The following ZCCHC24 variants were observed in gnomAD, a reference collection of about 807,000 sequenced individuals.
ZCCHC24 encodes zinc finger CCHC domain-containing protein 24.
Under a neutral mutation model 26.2 loss-of-function variants are expected in ZCCHC24, and 10 were observed. The ratio of observed to expected loss-of-function variants is 0.38; its 90% confidence interval spans 0.24 to 0.65. The LOEUF (loss-of-function observed/expected upper bound fraction) is 0.65, where lower values mean the gene tolerates loss of function less well. ZCCHC24 is among the 30% of genes least tolerant of loss of function. The pLI is 0.54. For synonymous variants in ZCCHC24, 144 were observed against 147.1 expected (o/e 0.98, Z 0.15); for missense variants, 243 against 329.1 (o/e 0.74, Z 2.03).
intron 2 of ZCCHC24, among the ~76,000 whole-genome samples, chr10:79,407,729 C>A (rs1175028308): frequency 2.6e-5 from 4 of 152,206 alleles, no homozygotes; most frequent in Non-Finnish European, 4.4e-5. Context: ...GTGACTTGCT[C>A]AAGCCATACA....
At chr10:79,429,662 A>G (rs1337705238) in intron 2 of ZCCHC24, among the ~76,000 whole-genome samples, 1 of 152,222 alleles carries the variant, frequency 6.6e-6, no homozygotes, top group Admixed American at 6.5e-5. Flanking sequence ...GATTGAGGTG[A>G]CAGCTGCACA....
At chr10:79,433,285 AC>A (rs1055157679) in intron 1 of ZCCHC24, among the ~76,000 whole-genome samples, 2 of 152,190 alleles carry the variant, frequency 1.3e-5, no homozygotes, top group Non-Finnish European at 2.9e-5. Flanking sequence ...TTCACACTAG[AC>A]AAGACTGAAG....
At chr10:79,413,743 G>A (rs917378416) in intron 2 of ZCCHC24, among the ~76,000 whole-genome samples, 3 of 149,148 alleles carry the variant, frequency 2.0e-5, no homozygotes, top group Non-Finnish European at 4.4e-5. Flanking sequence ...GTGGAAAAAG[G>A]GTATATGTGC....
At chr10:79,432,316 TC>T (rs1320343245) in intron 2 of ZCCHC24, among the ~76,000 whole-genome samples, 9 of 151,908 alleles carry the variant, frequency 5.9e-5, no homozygotes. Flanking sequence ...GGTCCAAAAA[TC>T]CCCCACCCAG....
At chr10:79,441,250 G>A (rs190874049) in intron 1 of ZCCHC24, among the ~76,000 whole-genome samples, 7 of 152,218 alleles carry the variant, frequency 4.6e-5, no homozygotes, top group African/African-American at 1.4e-4. Flanking sequence ...GCTTATCTCC[G>A]TCTGTTGAGG....
chr10:79,402,827 C>T (rs1384840910), intron 2 of ZCCHC24, among the ~76,000 whole-genome samples: 2 of 152,226 alleles, frequency 1.3e-5, no homozygotes, highest in African/African-American at 2.4e-5. Context: ...TGTGCGGCCT[C>T]TCCGTGAGAC....
chr10:79,435,218 T>A (rs2395573), intron 1 of ZCCHC24, among the ~76,000 whole-genome samples: 1 of 152,140 alleles, frequency 6.6e-6, no homozygotes, highest in Non-Finnish European at 1.5e-5. Context: ...CTTTTTTTTT[T>A]ATTTTTATTT....
chr10:79,431,343 T>A (rs966122174), intron 2 of ZCCHC24, among the ~76,000 whole-genome samples: 1 of 152,218 alleles, frequency 6.6e-6, no homozygotes, highest in African/African-American at 2.4e-5. Flanking sequence ...AATAGCCTCC[T>A]GCTTACTGTG....
Position 79,386,224 on chromosome 10 carries a change from C to A in ZCCHC24, c.*121G>T. The A allele has an allele frequency of 1.2e-6, 1 of 860,716 alleles. No individual in the cohort carries two copies. Among genetic ancestry groups the A allele is most frequent in the Non-Finnish European group, 1.9e-6 (1 of 530,430 alleles). The allele number at this position is 860,716 out of a possible 1,614,324, so 53.3% of individuals were successfully genotyped here. ...AGGACGCTAAGAGCCCCCGGCCCAGCCCCGCAGGCCTGCGAGGGCACCCCA... is the reference window on the plus strand; with the variant it reads ...AGGACGCTAAGAGCCCCCGGCCCAGACCCGCAGGCCTGCGAGGGCACCCCA... On this transcript the variant is annotated 3_prime_UTR_variant, in exon 4 of 4. Coordinates refer to ENST00000372336, the MANE Select transcript of ZCCHC24 (RefSeq NM_153367.4).
intron 1 of ZCCHC24, among the ~76,000 whole-genome samples, chr10:79,435,476 G>A (rs370610303): frequency 9.2e-5 from 14 of 152,146 alleles, no homozygotes; most frequent in East Asian, 5.8e-4. Flanking sequence ...CTGGAGGGCC[G>A]CAGCCTTGCC....
rs182791010 is a variant in ZCCHC24 at position 79,390,794 on chromosome 10, C to T, written c.612+3482G>A. ...GGTAGGGGGAGCTGCAGCTGGAGGC[C>T]GACAGGAAGCAGATGTGGCGGCCAG... On this transcript the variant is annotated intron_variant, in intron 3 of 3. Coordinates refer to ENST00000372336, the MANE Select transcript of ZCCHC24 (RefSeq NM_153367.4). Among the ~76,000 whole-genome samples, 360 of 152,204 alleles carry T rather than the reference C, an allele frequency of 2.4e-3. 3 individuals are homozygous for T. Among genetic ancestry groups the T allele is most frequent in the African/African-American group, 8.1e-3 (335 of 41,518 alleles).
At chr10:79,403,534 ACAGGTGGGCTGGGCCGCGGCCTG>A (rs1856667247) in intron 2 of ZCCHC24, 1 of 985,296 alleles carries the variant, frequency 1.0e-6, no homozygotes, top group Non-Finnish European at 1.2e-6. Context: ...GGTCAGAGGG[ACAGGTGGGCTGGGCCGCGGCCTG>A]CAGGATGCTG....
chr10:79,396,562 G>C (rs1488324577), intron 2 of ZCCHC24, among the ~76,000 whole-genome samples: 1 of 152,200 alleles, frequency 6.6e-6, no homozygotes, highest in Non-Finnish European at 1.5e-5. Flanking sequence ...CTTAAATGCA[G>C]GCTCTCCACA....
At chr10:79,404,031 G>C (rs1856675154) in intron 2 of ZCCHC24, among the ~76,000 whole-genome samples, 1 of 152,088 alleles carries the variant, frequency 6.6e-6, no homozygotes. Flanking sequence ...CGTCAGAGCA[G>C]ATAAGAGGAG....
chr10:79,445,250 C>A lies in ZCCHC24; in HGVS notation c.191G>T (p.Gly64Val). 1.4e-6 allele frequency: 2 copies of A among 1,407,566 alleles called. No individual in the cohort carries two copies. The highest frequency in any genetic ancestry group is 9.3e-7 in the Non-Finnish European group (1 of 1,075,664). 87.2% of individuals were successfully genotyped at this position (1,407,566 alleles called of 1,614,324 possible). Reference protein sequence around the residue: ...AFGKGRPEQLGSPLHSSYLNS... With the variant: ...AFGKGRPEQLVSPLHSSYLNS... The stretch of plus-strand genomic sequence containing the variant: ...GAGATAGCTGGAGTGCAGGGGCGAG[C>A]CCAGCTGCTCGGGGCGGCCCTTGCC... Residue 64 changes from glycine (G) to valine (V), a missense_variant, in exon 1 of 4, where the codon GGC becomes GTC. Coordinates refer to ENST00000372336, the MANE Select transcript of ZCCHC24 (RefSeq NM_153367.4).
chr10:79,423,597 A>ATATACTATATATATATTTTATATATATAC (rs1856983827), intron 2 of ZCCHC24, among the ~76,000 whole-genome samples: 1 of 119,796 alleles, frequency 8.3e-6, no homozygotes, highest in African/African-American at 3.1e-5. Flanking sequence ...ATATATATAT[A>ATATACTATATATATATTTTATATATATAC]TATATATATA....
chr10:79,436,431 C>T (rs1461238750), intron 1 of ZCCHC24, among the ~76,000 whole-genome samples: 1 of 152,190 alleles, frequency 6.6e-6, no homozygotes, highest in Non-Finnish European at 1.5e-5. Flanking sequence ...CCATAGAGGC[C>T]CCGACTCCCA....
intron 2 of ZCCHC24, among the ~76,000 whole-genome samples, chr10:79,406,559 T>C (rs1221219481): frequency 6.6e-6 from 1 of 152,194 alleles, no homozygotes; most frequent in Non-Finnish European, 1.5e-5. Context: ...AGCAGGATGA[T>C]GGAGTGTCCC....
chr10:79,400,974 G>C (rs979457211), intron 2 of ZCCHC24, among the ~76,000 whole-genome samples: 1 of 152,254 alleles, frequency 6.6e-6, no homozygotes, highest in Non-Finnish European at 1.5e-5. Context: ...TGATCCTTTA[G>C]GGTGAAGCTT....
Sources: gnomAD v4.1 joint callset for allele counts (sites outside exome capture counted in the v4.1 genomes callset) on GRCh38, gnomAD v4.1.1 for gene constraint, MANE v1.5 for transcripts, NCBI Gene and HGNC (gene_info 2026-07-23, HGNC 2026-07-21) for gene names.